Variants in RIMS1 observed in about 807,000 individuals in gnomAD.
RIMS1 encodes regulating synaptic membrane exocytosis protein 1.
A neutral mutation model predicts 214.1 loss-of-function variants in RIMS1; 83 were observed. The observed-to-expected ratio is 0.39, with a 90% CI of 0.32 to 0.47. RIMS1 has a LOEUF of 0.47. Ranked by LOEUF, RIMS1 falls within the 20% of genes least tolerant of loss-of-function variation. The pLI is 0.99. For missense variants in RIMS1, 2,050 were observed against 2,161.8 expected (o/e 0.95, Z 1.03); for synonymous variants, 793 against 786.8 (o/e 1.01, Z -0.13).
At chr6:71,979,775 G>T (rs573573563) in intron 2 of RIMS1, among the ~76,000 whole-genome samples, 1 of 152,036 alleles carries the variant, frequency 6.6e-6, no homozygotes, top group East Asian at 1.9e-4. Flanking sequence ...TCCTTACTAT[G>T]CATGAGTAGG....
chr6:72,400,716 G>C lies in RIMS1; in HGVS notation c.*2G>C, dbSNP rs1266850720. The C allele has an allele frequency of 8.7e-6, 14 of 1,600,986 alleles. No individual in the cohort carries two copies. The highest frequency in any genetic ancestry group is 1.3e-5 in the African/African-American group (1 of 74,626). On this transcript the variant is annotated 3_prime_UTR_variant, in exon 34 of 34. Transcript: ENST00000521978. Reference sequence around the variant, plus strand: ...GGGCCTCCCTGTATTCGATCATAGTGAACTCATACCAGAGTCATTCCAATA... The same window carrying C: ...GGGCCTCCCTGTATTCGATCATAGTCAACTCATACCAGAGTCATTCCAATA...
At position 72,290,872 on chromosome 6, in the gene RIMS1, AG is replaced by A; in HGVS notation, c.3737+12del. On this transcript the variant is annotated intron_variant, in intron 25 of 33. Transcript: ENST00000521978. ...TCCGCTTCTGACAAGGTCGCTATTC[AG>A]TGTCCCCCTCAGCATTCATGTCCTG... 1.9e-6 allele frequency: 3 copies of A among 1,610,908 alleles called. No individual in the cohort carries two copies. Among genetic ancestry groups the A allele is most frequent in the African/African-American group, 1.3e-5 (1 of 74,944 alleles).
intron 2 of RIMS1, among the ~76,000 whole-genome samples, chr6:72,052,091 A>G (rs1025508770): frequency 6.6e-6 from 1 of 152,220 alleles, no homozygotes; most frequent in Admixed American, 6.5e-5. Flanking sequence ...AGTGGTGTAC[A>G]TAGTTTCAAG....
intron 4 of RIMS1, among the ~76,000 whole-genome samples, chr6:72,168,244 G>T (rs1023880170): frequency 3.3e-5 from 5 of 152,162 alleles, no homozygotes; most frequent in Non-Finnish European, 5.9e-5. Flanking sequence ...CTTCTTAGAT[G>T]AAAGAATTTG....
chr6:72,187,654 C>G (rs146235308), intron 6 of RIMS1, among the ~76,000 whole-genome samples: 4 of 151,838 alleles, frequency 2.6e-5, no homozygotes, highest in African/African-American at 9.7e-5. Flanking sequence ...CCACCATACC[C>G]AGCTAATTTA....
At chr6:72,366,195 A>C (rs527467560) in intron 29 of RIMS1, among the ~76,000 whole-genome samples, 2 of 152,304 alleles carry the variant, frequency 1.3e-5, no homozygotes, top group African/African-American at 4.8e-5. Context: ...CGACACAGGG[A>C]AAGCAGCTGA....
intron 29 of RIMS1, among the ~76,000 whole-genome samples, chr6:72,381,086 A>T (rs1158786068): frequency 6.6e-6 from 1 of 152,192 alleles, no homozygotes; most frequent in Non-Finnish European, 1.5e-5. Context: ...TTAACATTCG[A>T]GAGGTCAAAA....
At chr6:72,047,161 C>CT (rs1293291833) in intron 2 of RIMS1, among the ~76,000 whole-genome samples, 3 of 152,042 alleles carry the variant, frequency 2.0e-5, no homozygotes, top group Admixed American at 1.3e-4. Flanking sequence ...CTCCTCATTG[C>CT]TTTTTTGTGA....
At chr6:71,971,410 A>G (rs747181567) in intron 2 of RIMS1, among the ~76,000 whole-genome samples, 3 of 152,160 alleles carry the variant, frequency 2.0e-5, no homozygotes, top group Admixed American at 6.5e-5. Context: ...GAGCTAAGTG[A>G]GAAGTAAAAT....
intron 2 of RIMS1, among the ~76,000 whole-genome samples, chr6:72,091,415 A>G (rs2153793669): frequency 6.6e-6 from 1 of 152,354 alleles, no homozygotes. Flanking sequence ...GGATTTCTCT[A>G]CATTCCACTA....
At chr6:71,890,210 TAGA>T (rs1024101911) in intron 1 of RIMS1, among the ~76,000 whole-genome samples, 2 of 152,138 alleles carry the variant, frequency 1.3e-5, no homozygotes, top group Non-Finnish European at 2.9e-5. Flanking sequence ...ATCAAGATTT[TAGA>T]AGATTTTATT....
rs193201279 is a variant in RIMS1, at chr6:72,362,459, G to T, written c.4367-28139G>T. On this transcript the variant is annotated intron_variant, in intron 29 of 33. Coordinates refer to ENST00000521978, the MANE Select transcript of RIMS1 (RefSeq NM_014989.7). ...TCGGAATTTTGTGGAAAGCCCTCTT[G>T]AAGAAAATGAAGAAATAAAATTATG... Among the ~76,000 whole-genome samples, 124 of 152,038 alleles carry T rather than the reference G, an allele frequency of 8.2e-4. 1 individual carries two copies. Among genetic ancestry groups the T allele is most frequent in the African/African-American group, 2.9e-3 (119 of 41,460 alleles).
At chr6:72,342,615 AG>A (rs2097131422) in intron 29 of RIMS1, among the ~76,000 whole-genome samples, 1 of 146,358 alleles carries the variant, frequency 6.8e-6, no homozygotes, top group South Asian at 2.2e-4. Context: ...GGGAGTAGTA[AG>A]AGTAAGATGG....
At chr6:71,900,328 GGTA>G (rs1773214334) in intron 1 of RIMS1, among the ~76,000 whole-genome samples, 1 of 152,056 alleles carries the variant, frequency 6.6e-6, no homozygotes, top group Non-Finnish European at 1.5e-5. Flanking sequence ...AATTTGGAGA[GGTA>G]GGCAGAAACT....
chr6:72,242,489 AG>A, intron 10 of RIMS1, 52 bp downstream of exon 10: 2 of 1,364,434 alleles, frequency 1.5e-6, no homozygotes, highest in Non-Finnish European at 2.0e-6. Context: ...ATGTATTAGT[AG>A]GGTTTTAAAA....
At position 72,329,762 on chromosome 6, in the gene RIMS1, T is replaced by C. The variant is rs550134912; in HGVS notation, c.4131-3838T>C. Among the ~76,000 whole-genome samples, 11 of 151,814 alleles carry C rather than the reference T, an allele frequency of 7.2e-5. No individual in the cohort carries two copies. In the South Asian group the frequency reaches 2.3e-3, roughly 31 times the overall value. ...GGTTTGTCTTACTTCCAAGATTGGA[T>C]ATTTTGTTCTTACTCTGAGCAGTTG... On this transcript the variant is annotated intron_variant, in intron 28 of 33. Coordinates refer to ENST00000521978, the MANE Select transcript of RIMS1 (RefSeq NM_014989.7).
intron 29 of RIMS1, among the ~76,000 whole-genome samples, chr6:72,374,256 C>T (rs1471545474): frequency 2.6e-5 from 4 of 152,168 alleles, no homozygotes; most frequent in Non-Finnish European, 5.9e-5. Context: ...CCAATTCTCA[C>T]CACCAAACCA....
intron 28 of RIMS1, among the ~76,000 whole-genome samples, chr6:72,321,731 A>G (rs1027853921): frequency 5.3e-5 from 8 of 152,030 alleles, no homozygotes; most frequent in South Asian, 4.1e-4. Context: ...CATACTATTT[A>G]TATACTGCAG....
intron 29 of RIMS1, among the ~76,000 whole-genome samples, chr6:72,380,189 T>C (rs1035307533): frequency 6.6e-6 from 1 of 151,994 alleles, no homozygotes; most frequent in Admixed American, 6.6e-5. Flanking sequence ...TAGGTGGGAA[T>C]TGAACAATGG....
Sources: gnomAD v4.1 joint callset for allele counts (sites outside exome capture counted in the v4.1 genomes callset) on GRCh38, gnomAD v4.1.1 for gene constraint, MANE v1.5 for transcripts, NCBI Gene and HGNC (gene_info 2026-07-23, HGNC 2026-07-21) for gene names.